Variants in DLC1 observed in about 807,000 individuals in gnomAD.
The protein encoded by DLC1 is rho GTPase-activating protein 7.
In DLC1, 54 loss-of-function variants were observed where a neutral mutation model predicts 140.3. The ratio of observed to expected loss-of-function variants is 0.38; its 90% confidence interval spans 0.31 to 0.48. The LOEUF (loss-of-function observed/expected upper bound fraction) is 0.48, where lower values mean the gene tolerates loss of function less well. Ranked by LOEUF, DLC1 falls within the 20% of genes least tolerant of loss-of-function variation. The probability of loss-of-function intolerance (pLI) is 0.96; values close to 1 mark genes in which losing one functional copy is unlikely to be tolerated. For missense variants in DLC1, 2,536 were observed against 1,907.0 expected (o/e 1.33, Z -6.14); for synonymous variants, 986 against 728.1 (o/e 1.35, Z -5.70).
chr8:13,464,618 A>G (rs940059385), intron 2 of DLC1, among the ~76,000 whole-genome samples: 4 of 151,632 alleles, frequency 2.6e-5, no homozygotes, highest in South Asian at 4.2e-4. Flanking sequence ...AAAATTACCA[A>G]TGACTTCCAT....
chr8:13,137,971 G>C (rs768512695), intron 5 of DLC1, among the ~76,000 whole-genome samples: 24 of 152,132 alleles, frequency 1.6e-4, no homozygotes, highest in Non-Finnish European at 3.1e-4. Flanking sequence ...CCATTCAACT[G>C]TGGTATTAGC....
intron 1 of DLC1, among the ~76,000 whole-genome samples, chr8:13,570,910 C>A (rs1804630693): frequency 6.6e-6 from 1 of 152,130 alleles, no homozygotes; most frequent in African/African-American, 2.4e-5. Flanking sequence ...CCTGTCCTGC[C>A]AGGGTTAACT....
intron 5 of DLC1, among the ~76,000 whole-genome samples, chr8:13,208,591 A>C (rs932313258): frequency 6.6e-6 from 1 of 152,108 alleles, no homozygotes; most frequent in Non-Finnish European, 1.5e-5. Flanking sequence ...ATTTTATCGA[A>C]CTTCTGCTTC....
chr8:13,291,111 G>A (rs1191334521), intron 5 of DLC1, among the ~76,000 whole-genome samples: 1 of 152,170 alleles, frequency 6.6e-6, no homozygotes, highest in Non-Finnish European at 1.5e-5. Flanking sequence ...GTTTCACCAT[G>A]TGGGCCAGGC....
intron 5 of DLC1, among the ~76,000 whole-genome samples, chr8:13,289,366 T>C (rs929100597): frequency 6.6e-6 from 1 of 152,276 alleles, no homozygotes; most frequent in Non-Finnish European, 1.5e-5. Flanking sequence ...AAATTAATTT[T>C]TTTTTCATAG....
At chr8:13,401,649 C>A in intron 2 of DLC1, 30 bp from the exon 3 acceptor site, 1 of 1,596,852 alleles carries the variant, frequency 6.3e-7, no homozygotes, top group South Asian at 1.1e-5. Flanking sequence ...GTTACTGAAT[C>A]TGAAAGGCCA....
rs1013772424 is a variant in DLC1 at position 13,280,764 on chromosome 8, C to T, written c.1348+24505G>A. Among the ~76,000 whole-genome samples the T allele has an allele frequency of 3.3e-5, 5 of 152,174 alleles. No homozygotes were observed. The South Asian group carries it at 1.0e-3, about 32-fold the overall frequency. On this transcript the variant is annotated intron_variant, in intron 5 of 17. Coordinates refer to ENST00000276297, the MANE Select transcript of DLC1 (RefSeq NM_182643.3). Reference sequence around the variant, plus strand: ...GGACCAATGAGAACATTTAGGACTACCTAAAGTGCTGGAAGATCCTTTCAA... The same window carrying T: ...GGACCAATGAGAACATTTAGGACTATCTAAAGTGCTGGAAGATCCTTTCAA...
At chr8:13,601,965 A>G (rs1045044356) in intron 1 of DLC1, among the ~76,000 whole-genome samples, 1 of 151,810 alleles carries the variant, frequency 6.6e-6, no homozygotes, top group African/African-American at 2.4e-5. Flanking sequence ...ATTAAAATAT[A>G]TGGCATTGAG....
chr8:13,530,816 T>A (rs1803071783), intron 1 of DLC1, among the ~76,000 whole-genome samples: 1 of 152,198 alleles, frequency 6.6e-6, no homozygotes. Context: ...CAGCATTTCA[T>A]TTCGGAGTCA....
At chr8:13,567,744 T>A (rs921128564) in intron 1 of DLC1, 2 of 1,552,080 alleles carry the variant, frequency 1.3e-6, no homozygotes, top group Non-Finnish European at 1.7e-6. Flanking sequence ...ATCAAGACTT[T>A]CCCAGGCTTT....
At chr8:13,477,146 C>G (rs1048759180) in intron 2 of DLC1, among the ~76,000 whole-genome samples, 2 of 152,150 alleles carry the variant, frequency 1.3e-5, no homozygotes, top group East Asian at 3.9e-4. Flanking sequence ...AGCACATGCT[C>G]TCTGCCTTCA....
chr8:13,366,749 TC>T (rs1400409639), intron 4 of DLC1, among the ~76,000 whole-genome samples: 2 of 152,276 alleles, frequency 1.3e-5, no homozygotes, highest in South Asian at 2.1e-4. Flanking sequence ...ATGCTCATCC[TC>T]AGACACAGGA....
chr8:13,141,409 T>C (rs1169614237), intron 5 of DLC1, among the ~76,000 whole-genome samples: 1 of 152,044 alleles, frequency 6.6e-6, no homozygotes, highest in East Asian at 1.9e-4. Context: ...TACTAATAAA[T>C]CAATCCTGGA....
intron 5 of DLC1, among the ~76,000 whole-genome samples, chr8:13,283,171 A>G (rs1831423814): frequency 6.6e-6 from 1 of 152,144 alleles, no homozygotes; most frequent in Non-Finnish European, 1.5e-5. Context: ...TTTTTTGACC[A>G]TAGTATTAAT....
chr8:13,469,250 C>A (rs928593444), intron 2 of DLC1, among the ~76,000 whole-genome samples: 13 of 152,212 alleles, frequency 8.5e-5, no homozygotes, highest in African/African-American at 3.1e-4. Flanking sequence ...CTAAATTTTT[C>A]TGTGTTTAAA....
chr8:13,289,191 A>G (rs919075591), intron 5 of DLC1, among the ~76,000 whole-genome samples: 2 of 151,904 alleles, frequency 1.3e-5, no homozygotes, highest in African/African-American at 4.8e-5. Flanking sequence ...TAGAGTTAGA[A>G]TTCCTTTTAT....
intron 2 of DLC1, among the ~76,000 whole-genome samples, chr8:13,404,422 C>T (rs531558121): frequency 7.9e-5 from 12 of 152,020 alleles, no homozygotes; most frequent in African/African-American, 1.7e-4. Flanking sequence ...ATGGTGACTC[C>T]GAAACACACT....
At chr8:13,208,215 A>C (rs1388967652) in intron 5 of DLC1, among the ~76,000 whole-genome samples, 2 of 152,258 alleles carry the variant, frequency 1.3e-5, no homozygotes, top group East Asian at 3.9e-4. Context: ...TCAGGATTTC[A>C]TGAGGTTATA....
At chr8:13,345,424 C>T (rs941622878) in intron 4 of DLC1, among the ~76,000 whole-genome samples, 2 of 151,510 alleles carry the variant, frequency 1.3e-5, no homozygotes, top group African/African-American at 4.9e-5. Context: ...CTGGGAGTGG[C>T]AATGAGGGAG....
Sources: allele counts gnomAD v4.1 joint callset (sites outside exome capture counted in the v4.1 genomes callset), GRCh38; gene constraint gnomAD v4.1.1; transcripts MANE v1.5; gene names NCBI Gene and HGNC (gene_info 2026-07-23, HGNC 2026-07-21).